Variants in DKK2 observed in about 807,000 individuals in gnomAD.
The protein encoded by DKK2 is dickkopf-related protein 2.
DKK2 carries 11 observed loss-of-function variants against 28.1 expected under a neutral mutation model. That is an observed-to-expected ratio of 0.39 (90% CI 0.25 to 0.65). The LOEUF (loss-of-function observed/expected upper bound fraction) is 0.65. Ranked by LOEUF, DKK2 falls within the 30% of genes least tolerant of loss-of-function variation. DKK2 has a pLI of 0.47. For synonymous variants in DKK2, 135 were observed against 126.5 expected, an observed-to-expected ratio of 1.07 and a Z score of -0.45; for missense variants, 326 against 335.5, an observed-to-expected ratio of 0.97 and a Z score of 0.22.
chr4:107,030,105 TA>T (rs931395539), intron 1 of DKK2, among the ~76,000 whole-genome samples: 2 of 151,980 alleles, frequency 1.3e-5, no homozygotes, highest in African/African-American at 2.4e-5. Flanking sequence ...TTACTTCTAT[TA>T]AAAAAAATTT....
At chr4:106,946,560 GA>G (rs1311271515) in intron 1 of DKK2, among the ~76,000 whole-genome samples, 1 of 151,998 alleles carries the variant, frequency 6.6e-6, no homozygotes, top group African/African-American at 2.4e-5. Context: ...AACATAGACA[GA>G]ACTCCCAAAC....
intron 1 of DKK2, among the ~76,000 whole-genome samples, chr4:106,930,163 A>G (rs1192833899): frequency 2.0e-5 from 3 of 152,208 alleles, no homozygotes; most frequent in Non-Finnish European, 4.4e-5. Flanking sequence ...TTTTCTGTTC[A>G]TTTAAACTCA....
intron 1 of DKK2, among the ~76,000 whole-genome samples, chr4:106,956,021 A>G (rs1439741697): frequency 6.6e-6 from 1 of 152,160 alleles, no homozygotes; most frequent in Non-Finnish European, 1.5e-5. Flanking sequence ...ACTAGGTGTT[A>G]ACTCATCCCT....
chr4:106,938,388 C>T (rs1203002597), intron 1 of DKK2, among the ~76,000 whole-genome samples: 4 of 152,208 alleles, frequency 2.6e-5, no homozygotes, highest in Non-Finnish European at 2.9e-5. Flanking sequence ...ATAAATTCCT[C>T]GACACCTACA....
Position 107,004,855 on chromosome 4 carries a change from A to G in DKK2, c.222+30515T>C, listed in dbSNP as rs920428566. Among the ~76,000 whole-genome samples, 3 of 152,158 alleles carry G rather than the reference A, an allele frequency of 2.0e-5. No homozygotes were observed. The South Asian group carries it at 6.2e-4, about 32-fold the overall frequency. On this transcript the variant is annotated intron_variant, in intron 1 of 3. Transcript: ENST00000285311. ...TGTTGCTAAGGGAGGAAGGTTTGAG[A>G]TATGTAAGATGAAATGGACTCAACC... is the stretch of plus-strand genomic sequence containing the variant.
chr4:107,003,110 C>T (rs1398588825), intron 1 of DKK2, among the ~76,000 whole-genome samples: 1 of 152,160 alleles, frequency 6.6e-6, no homozygotes, highest in African/African-American at 2.4e-5. Context: ...TCTGAATGAG[C>T]TCAGGGAGAA....
intron 1 of DKK2, among the ~76,000 whole-genome samples, chr4:106,947,076 G>C (rs1034013807): frequency 1.3e-5 from 2 of 152,108 alleles, no homozygotes; most frequent in Non-Finnish European, 1.5e-5. Flanking sequence ...ACTCATTCAG[G>C]TGCTGACAAA....
intron 1 of DKK2, among the ~76,000 whole-genome samples, chr4:107,004,295 G>A (rs1366870462): frequency 6.6e-6 from 1 of 152,138 alleles, no homozygotes. Context: ...TGTATCTGGT[G>A]CTCAGTCCAG....
rs572625816 is a variant in DKK2 at position 106,926,059 on chromosome 4, G to A, written c.223-110C>T. Reference sequence around the variant, plus strand: ...AAATGAATCACAATATATCTCACCCGGAAGGAACTATACCATCATCATAAT... The same window carrying A: ...AAATGAATCACAATATATCTCACCCAGAAGGAACTATACCATCATCATAAT... On this transcript the variant is annotated intron_variant, in intron 1 of 3. Coordinates refer to ENST00000285311, the MANE Select transcript of DKK2 (RefSeq NM_014421.3). 118 of 1,193,242 alleles carry A rather than the reference G, an allele frequency of 9.9e-5. No individual in the cohort carries two copies. The South Asian group carries it at 1.3e-3, about 13-fold the overall frequency. The allele number at this position is 1,193,242 out of a possible 1,614,324, so 73.9% of individuals were successfully genotyped here. A position where few individuals can be genotyped will look rare whatever the true frequency, so the allele number is the denominator to read the frequency against.
At chr4:106,964,962 T>G (rs767664051) in intron 1 of DKK2, among the ~76,000 whole-genome samples, 1,383 of 121,194 alleles carry the variant, frequency 0.011, 8 homozygotes, top group Non-Finnish European at 0.017. Context: ...TAGATAGATA[T>G]AGATAGATAG....
At position 106,949,491 on chromosome 4, in the gene DKK2, T is replaced by C. The variant is rs147186715; in HGVS notation, c.223-23542A>G. On this transcript the variant is annotated intron_variant, in intron 1 of 3. Transcript: ENST00000285311. The stretch of plus-strand genomic sequence containing the variant: ...ATGATTTTTATTTATCTTCTGCCCA[T>C]ACATCAAATAAAAGCATAAAGAATG... Among the ~76,000 whole-genome samples, 369 of 152,264 alleles carry C rather than the reference T, an allele frequency of 2.4e-3. 2 individuals are homozygous for C. Among genetic ancestry groups the C allele is most frequent in the African/African-American group, 8.6e-3 (357 of 41,566 alleles).
chr4:106,971,025 A>C (rs945296561), intron 1 of DKK2, among the ~76,000 whole-genome samples: 1 of 152,108 alleles, frequency 6.6e-6, no homozygotes, highest in African/African-American at 2.4e-5. Flanking sequence ...TGCTTTACTG[A>C]AGTAAACATT....
chr4:106,960,649 T>C (rs576275663), intron 1 of DKK2, among the ~76,000 whole-genome samples: 73 of 152,306 alleles, frequency 4.8e-4, no homozygotes, highest in African/African-American at 1.7e-3. Context: ...TCTCAATAAA[T>C]ATATGGTCAA....
intron 1 of DKK2, among the ~76,000 whole-genome samples, chr4:106,951,925 A>G (rs538139616): frequency 4.8e-4 from 73 of 152,296 alleles, no homozygotes; most frequent in African/African-American, 1.7e-3. Context: ...AATGTAGTCA[A>G]TTTGCTTATT....
At chr4:107,009,469 C>T (rs1171816940) in intron 1 of DKK2, among the ~76,000 whole-genome samples, 4 of 151,630 alleles carry the variant, frequency 2.6e-5, no homozygotes, top group African/African-American at 9.7e-5. Context: ...AATATTACTA[C>T]AAACAAAAAT....
chr4:106,956,612 T>C (rs1722596146), intron 1 of DKK2, among the ~76,000 whole-genome samples: 1 of 152,178 alleles, frequency 6.6e-6, no homozygotes, highest in Admixed American at 6.5e-5. Flanking sequence ...TCTATAACTA[T>C]CTGATCTTTG....
chr4:106,958,936 C>A (rs115082081), intron 1 of DKK2, among the ~76,000 whole-genome samples: 1,536 of 151,782 alleles, frequency 0.01, 29 homozygotes, highest in African/African-American at 0.035. Context: ...TCCAGTTCAA[C>A]CAATTGCCCT....
At chr4:106,969,213 C>G (rs1000215578) in intron 1 of DKK2, among the ~76,000 whole-genome samples, 7 of 151,698 alleles carry the variant, frequency 4.6e-5, no homozygotes, top group Non-Finnish European at 8.8e-5. Flanking sequence ...AACTTCTCGC[C>G]TCCAGTTTGG....
intron 1 of DKK2, among the ~76,000 whole-genome samples, chr4:106,969,600 AT>A (rs77241310): frequency 4.0e-5 from 6 of 149,664 alleles, no homozygotes; most frequent in South Asian, 4.2e-4. Context: ...CTCCTCTCTA[AT>A]TTTTTTTTTG....
Sources: allele counts gnomAD v4.1 joint callset (sites outside exome capture counted in the v4.1 genomes callset), GRCh38; gene constraint gnomAD v4.1.1; transcripts MANE v1.5; gene names NCBI Gene and HGNC (gene_info 2026-07-23, HGNC 2026-07-21).